The following NAV1 variants were observed in gnomAD, a reference collection of about 807,000 sequenced individuals.
The protein encoded by NAV1 is neuron navigator 1, also known as pore membrane and/or filament interacting like protein 3.
A neutral mutation model predicts 175.2 loss-of-function variants in NAV1; 18 were observed. The observed-to-expected ratio is 0.10, with a 90% confidence interval of 0.07 to 0.15. The LOEUF (loss-of-function observed/expected upper bound fraction) is 0.15, where lower values mean the gene tolerates loss of function less well. Among genes scored for constraint, NAV1 ranks in the 10% least tolerant of loss-of-function variants. The probability of loss-of-function intolerance (pLI) is 1.00; values close to 1 mark genes in which losing one functional copy is unlikely to be tolerated. For missense variants in NAV1, 1,731 were observed against 2,436.6 expected, an observed-to-expected ratio of 0.71 and a Z score of 6.10; for synonymous variants, 897 against 978.7, an observed-to-expected ratio of 0.92 and a Z score of 1.56.
chr1:201,587,969 T>A lies in NAV1; in HGVS notation c.-143-570T>A, dbSNP rs187055998. Among the ~76,000 whole-genome samples the A allele has an allele frequency of 2.4e-3, 367 of 152,296 alleles. 2 individuals are homozygous for A. The highest frequency in any genetic ancestry group is 8.5e-3 in the African/African-American group (354 of 41,552). On this transcript the variant is annotated intron_variant, in intron 1 of 33. Coordinates refer to the NAV1 transcript ENST00000685211. ...AACTCTCAGAGATTGTTAGTGGAAATGTAAAATGGCGCAGCAGCTTTGGAA... is the reference window on the plus strand; with the variant it reads ...AACTCTCAGAGATTGTTAGTGGAAAAGTAAAATGGCGCAGCAGCTTTGGAA...
intron 3 of NAV1, among the ~76,000 whole-genome samples, chr1:201,743,154 TGTCCTCATACC>T (rs1190938109): frequency 1.3e-5 from 2 of 152,204 alleles, no homozygotes; most frequent in Non-Finnish European, 2.9e-5. Flanking sequence ...TAGTGGGATT[TGTCCTCATACC>T]TAGGTCTGTC....
chr1:201,549,467 C>T (rs1283990358), intron 1 of NAV1, among the ~76,000 whole-genome samples: 1 of 152,190 alleles, frequency 6.6e-6, no homozygotes, highest in Non-Finnish European at 1.5e-5. Context: ...CTTCAAACTC[C>T]CAAAGTTCTG....
At chr1:201,756,170 C>T (rs1373182049) in intron 3 of NAV1, among the ~76,000 whole-genome samples, 2 of 150,278 alleles carry the variant, frequency 1.3e-5, no homozygotes, top group African/African-American at 2.4e-5. Flanking sequence ...AAAAAGTTGC[C>T]ACTTAACAGT....
intron 3 of NAV1, among the ~76,000 whole-genome samples, chr1:201,732,353 A>T (rs6689907): frequency 0.4 from 60,006 of 151,876 alleles, 12,030 homozygotes; most frequent in Non-Finnish European, 0.42. Flanking sequence ...TATTTTTTTT[A>T]ATTTTGGTAG....
At chr1:201,713,694 C>G (rs1233462591) in intron 2 of NAV1, among the ~76,000 whole-genome samples, 1 of 152,122 alleles carries the variant, frequency 6.6e-6, no homozygotes, top group Non-Finnish European at 1.5e-5. Flanking sequence ...GAACAGACAG[C>G]CAGATTGGGA....
chr1:201,734,027 A>G (rs774829664), intron 3 of NAV1, among the ~76,000 whole-genome samples: 27 of 152,146 alleles, frequency 1.8e-4, no homozygotes, highest in Non-Finnish European at 3.8e-4. Flanking sequence ...CATGGAAGGG[A>G]GACTGCTGCA....
chr1:201,687,703 C>A (rs1670737808), intron 1 of NAV1, among the ~76,000 whole-genome samples: 1 of 152,164 alleles, frequency 6.6e-6, no homozygotes, highest in African/African-American at 2.4e-5. Flanking sequence ...TTAAAGCTAC[C>A]ACCCACCTAC....
At chr1:201,566,741 G>A (rs1666364520) in intron 1 of NAV1, among the ~76,000 whole-genome samples, 1 of 151,498 alleles carries the variant, frequency 6.6e-6, no homozygotes, top group South Asian at 2.1e-4. Context: ...AGAAAAACTT[G>A]AAGTAGCCAT....
intron 3 of NAV1, among the ~76,000 whole-genome samples, chr1:201,726,606 C>G (rs1009133364): frequency 1.3e-5 from 2 of 149,384 alleles, no homozygotes; most frequent in African/African-American, 2.5e-5. Flanking sequence ...CAAGATCGCA[C>G]CACTCCACTC....
intron 1 of NAV1, among the ~76,000 whole-genome samples, chr1:201,664,538 G>C (rs755699674): frequency 2.6e-5 from 4 of 152,140 alleles, no homozygotes; most frequent in African/African-American, 9.7e-5. Context: ...AATGAAAAGC[G>C]CCCCAAAATT....
chr1:201,748,211 T>C (rs1673891769), intron 3 of NAV1, among the ~76,000 whole-genome samples: 1 of 152,228 alleles, frequency 6.6e-6, no homozygotes, highest in Non-Finnish European at 1.5e-5. Flanking sequence ...CCTCTCTCAC[T>C]CTTATGAATT....
chr1:201,643,398 CTCCCTTCCCT>C (rs60980821), upstream of NAV1, among the ~76,000 whole-genome samples: 1 of 145,324 alleles, frequency 6.9e-6, no homozygotes. Context: ...CCTTTCTCCT[CTCCCTTCCCT>C]TCCCTTCCCT....
At chr1:201,635,061 CAG>C (rs1249507928) in intron 2 of NAV1, among the ~76,000 whole-genome samples, 2 of 152,096 alleles carry the variant, frequency 1.3e-5, no homozygotes, top group Admixed American at 6.5e-5. Context: ...TTTTTTGAGA[CAG>C]AGTCTCACTC....
chr1:201,601,078 C>A (rs1667498595), intron 2 of NAV1, among the ~76,000 whole-genome samples: 1 of 152,264 alleles, frequency 6.6e-6, no homozygotes. Context: ...CAGGGAGCTA[C>A]TCAGCTGGAG....
intron 1 of NAV1, among the ~76,000 whole-genome samples, chr1:201,687,559 A>G (rs527667580): frequency 2.2e-4 from 34 of 152,358 alleles, no homozygotes; most frequent in Admixed American, 3.9e-4. Context: ...AATCTTCCTA[A>G]TAGCCCTTAG....
rs560291726 is a variant in NAV1 at position 201,718,342 on chromosome 1, A to C, written c.861-48A>C. On this transcript the variant is annotated intron_variant, in intron 2 of 29. Coordinates refer to ENST00000367296, the Ensembl canonical transcript of NAV1. The surrounding 1 kb of genome is among the most constrained non-coding windows in gnomAD (Gnocchi z 4.8). ...GGGTGCATGTGAGGGGACAGGGCACACGGCGGCTGTGCCAAGGACTAAGTA... is the reference window on the plus strand; with the variant it reads ...GGGTGCATGTGAGGGGACAGGGCACCCGGCGGCTGTGCCAAGGACTAAGTA... 3 of 1,484,408 alleles carry C rather than the reference A, an allele frequency of 2.0e-6. No homozygotes were observed. Among genetic ancestry groups the C allele is most frequent in the African/African-American group, 2.8e-5 (2 of 71,192 alleles). The allele number at this position is 1,484,408 out of a possible 1,614,324, so 92.0% of individuals were successfully genotyped here.
upstream of NAV1, among the ~76,000 whole-genome samples, chr1:201,621,332 CTT>C (rs11422175): frequency 7.6e-5 from 9 of 118,914 alleles, no homozygotes; most frequent in East Asian, 5.5e-4. Flanking sequence ...TCTTTTCTTT[CTT>C]TTTTTTTTTT....
intron 2 of NAV1, among the ~76,000 whole-genome samples, chr1:201,592,081 C>T (rs951605919): frequency 2.0e-5 from 3 of 152,148 alleles, no homozygotes; most frequent in African/African-American, 7.2e-5. Context: ...CCTCTCAAGC[C>T]CCCACTCTCC....
intron 1 of NAV1, among the ~76,000 whole-genome samples, chr1:201,663,234 A>G (rs1426121582): frequency 6.6e-6 from 1 of 152,250 alleles, no homozygotes; most frequent in African/African-American, 2.4e-5. Context: ...TTAAGGTTAT[A>G]TGTCAGCCCA....
Sources: allele counts gnomAD v4.1 joint callset (sites outside exome capture counted in the v4.1 genomes callset), GRCh38; gene constraint gnomAD v4.1.1; non-coding constraint Gnocchi (gnomAD v3.1); transcripts MANE v1.5; gene names NCBI Gene and HGNC (gene_info 2026-07-23, HGNC 2026-07-21).